PTBP2: variants seen among roughly 807,000 people sequenced by gnomAD.
PTBP2 encodes polypyrimidine tract binding protein 2.
A neutral mutation model predicts 61.4 loss-of-function variants in PTBP2; 13 were observed. That is an observed-to-expected ratio of 0.21 (90% CI 0.14 to 0.34). The LOEUF (loss-of-function observed/expected upper bound fraction) is 0.34. Ranked by LOEUF, PTBP2 falls within the 10% of genes least tolerant of loss-of-function variation. The pLI is 1.00. For missense variants in PTBP2, 405 were observed against 642.6 expected, an observed-to-expected ratio of 0.63 and a Z score of 4.00; for synonymous variants, 215 against 218.5, an observed-to-expected ratio of 0.98 and a Z score of 0.14.
At chr1:96,783,109 T>C (rs1197321962) in intron 7 of PTBP2, among the ~76,000 whole-genome samples, 1 of 152,024 alleles carries the variant, frequency 6.6e-6, no homozygotes, top group Non-Finnish European at 1.5e-5. Flanking sequence ...GTGCTACTGC[T>C]ATTTCTTGGG....
chr1:96,750,466 G>A (rs1654397681), intron 2 of PTBP2, among the ~76,000 whole-genome samples: 1 of 151,706 alleles, frequency 6.6e-6, no homozygotes. Context: ...ACAACCTATG[G>A]ATATCTGTTT....
chr1:96,734,524 C>T lies in PTBP2; in HGVS notation c.39+10930C>T, dbSNP rs144229524. Among the ~76,000 whole-genome samples, 122 of 150,344 alleles carry T rather than the reference C, an allele frequency of 8.1e-4. 1 individual carries two copies. In the East Asian group the frequency reaches 0.021, roughly 26 times the overall value. ...AATAAGATCAGCAAATTTAACAGGT[C>T]GTTATTACCTCTTAAATATCTTTTA... On this transcript the variant is annotated intron_variant, in intron 2 of 13. Transcript: ENST00000674951.
At chr1:96,820,201 A>G (rs568317538) in exon 14 of PTBP2, 1 of 151,706 alleles carries the variant, frequency 6.6e-6, no homozygotes, top group East Asian at 1.9e-4. Context: ...TTTTCCTCTA[A>G]TTGGGGGTGG....
At chr1:96,746,852 C>CCTCTCCCT (rs753426327) in intron 2 of PTBP2, among the ~76,000 whole-genome samples, 5 of 87,154 alleles carry the variant, frequency 5.7e-5, no homozygotes, top group Admixed American at 3.9e-4. Flanking sequence ...TCCCTCCCTC[C>CCTCTCCCT]CCCTCCCTCC....
At chr1:96,749,191 A>G (rs1406713831) in intron 2 of PTBP2, among the ~76,000 whole-genome samples, 1 of 139,012 alleles carries the variant, frequency 7.2e-6, no homozygotes, top group Non-Finnish European at 1.6e-5. Context: ...ACAAGTCAGT[A>G]TTAGAGGCTT....
intron 2 of PTBP2, among the ~76,000 whole-genome samples, chr1:96,727,891 A>C (rs1391659234): frequency 6.6e-6 from 1 of 152,014 alleles, no homozygotes; most frequent in African/African-American, 2.4e-5. Flanking sequence ...CCAGTTTACC[A>C]ATTTTTTCTT....
intron 7 of PTBP2, among the ~76,000 whole-genome samples, chr1:96,781,404 T>C (rs1658652609): frequency 6.6e-6 from 1 of 152,078 alleles, no homozygotes; most frequent in Non-Finnish European, 1.5e-5. Context: ...TATAAGACTC[T>C]AAATCAGTCC....
intron 2 of PTBP2, among the ~76,000 whole-genome samples, chr1:96,746,848 C>CT (rs1385781145): frequency 4.7e-5 from 2 of 42,908 alleles, no homozygotes; most frequent in Non-Finnish European, 8.8e-5. Flanking sequence ...TCCCTCCCTC[C>CT]CTCCCCCTCC....
chr1:96,734,745 A>G (rs909986628), intron 2 of PTBP2, among the ~76,000 whole-genome samples: 4 of 151,392 alleles, frequency 2.6e-5, no homozygotes, highest in African/African-American at 9.7e-5. Flanking sequence ...CAGGGTCTCT[A>G]TTTTTTTGGT....
intron 8 of PTBP2, among the ~76,000 whole-genome samples, chr1:96,798,972 T>C (rs1188597133): frequency 6.6e-6 from 1 of 152,212 alleles, no homozygotes; most frequent in African/African-American, 2.4e-5. Flanking sequence ...GGGATACCTG[T>C]GTGTTTCAGT....
chr1:96,777,336 C>G lies in PTBP2; in HGVS notation c.433-249C>G, dbSNP rs549123503. Among the ~76,000 whole-genome samples, 12 of 152,154 alleles carry G rather than the reference C, an allele frequency of 7.9e-5. 1 individual carries two copies. In the East Asian group the frequency reaches 2.3e-3, roughly 29 times the overall value. ...TTTTGAGAATAAATTACATATCATA[C>G]CTTTGCATGTTCAACATTGATCCCA... On this transcript the variant is annotated intron_variant, in intron 5 of 13. Transcript: ENST00000674951.
intron 2 of PTBP2, among the ~76,000 whole-genome samples, chr1:96,736,924 C>T (rs554272725): frequency 2.6e-5 from 4 of 152,124 alleles, no homozygotes; most frequent in African/African-American, 4.8e-5. Flanking sequence ...AAGTGATCCT[C>T]CTGCTTTAGC....
chr1:96,804,960 T>C, intron 9 of PTBP2, 21 bp downstream of exon 9: 2 of 1,512,844 alleles, frequency 1.3e-6, no homozygotes, highest in Non-Finnish European at 1.8e-6. Context: ...TAATCTCTAA[T>C]GTTTATTCTT....
At chr1:96,746,969 A>G (rs545875435) in intron 2 of PTBP2, among the ~76,000 whole-genome samples, 2 of 143,906 alleles carry the variant, frequency 1.4e-5, no homozygotes, top group African/African-American at 2.6e-5. Flanking sequence ...TCAGGGTTAC[A>G]TGTGCAGGTT....
Position 96,751,372 on chromosome 1 carries a change from T to G in PTBP2, c.40-53T>G. ...ACATTTAAGTGAAAGGCTTTTAGAT[T>G]AATATTTTTAAATTTAAAGATGTCT... is the stretch of plus-strand genomic sequence containing the variant. On this transcript the variant is annotated intron_variant, in intron 2 of 13. Transcript: ENST00000674951. 3 of 1,327,364 alleles carry G rather than the reference T, an allele frequency of 2.3e-6. No individual in the cohort carries two copies. In the South Asian group the frequency reaches 3.6e-5, roughly 16 times the overall value. The allele number at this position is 1,327,364 out of a possible 1,614,324, so 82.2% of individuals were successfully genotyped here.
downstream of PTBP2, chr1:96,819,297 T>C (rs1306908666): frequency 6.6e-6 from 1 of 152,038 alleles, no homozygotes; most frequent in African/African-American, 2.4e-5. Flanking sequence ...GAGTTAGAGC[T>C]GTACTATAAA....
chr1:96,726,056 C>CA (rs1373929912), intron 2 of PTBP2, among the ~76,000 whole-genome samples: 6 of 102,750 alleles, frequency 5.8e-5, no homozygotes, highest in African/African-American at 2.4e-4. Flanking sequence ...GCCTGGGCGA[C>CA]AGAGACAGAC....
chr1:96,735,788 A>G lies in PTBP2; in HGVS notation c.39+12194A>G, dbSNP rs138364557. Among the ~76,000 whole-genome samples the G allele has an allele frequency of 1.2e-3, 185 of 152,330 alleles. No homozygotes were observed. In the Middle Eastern group the frequency reaches 0.014, roughly 11 times the overall value. ...GGAAGAGAAGTTCTAACAAACATCT[A>G]ATTAGCGTTCCAGAAATTAAAGATT... On this transcript the variant is annotated intron_variant, in intron 2 of 13. Coordinates refer to ENST00000674951, the MANE Select transcript of PTBP2 (RefSeq NM_021190.4).
At chr1:96,760,440 CTTTTTTTTTTTT>C (rs989047792) in intron 3 of PTBP2, among the ~76,000 whole-genome samples, 1 of 83,084 alleles carries the variant, frequency 1.2e-5, no homozygotes, top group East Asian at 3.9e-4. Flanking sequence ...AAATAGTTTG[CTTTTTTTTTTTT>C]TTTTTTTTTT....
Sources: gnomAD v4.1 joint callset for allele counts (sites outside exome capture counted in the v4.1 genomes callset) on GRCh38, gnomAD v4.1.1 for gene constraint, MANE v1.5 for transcripts, NCBI Gene and HGNC (gene_info 2026-07-23, HGNC 2026-07-21) for gene names.